The following SYDE2 variants were observed in gnomAD, a reference collection of about 807,000 sequenced individuals.
SYDE2 encodes rho GTPase-activating protein SYDE2.
A neutral mutation model predicts 91.5 loss-of-function variants in SYDE2; 76 were observed. The observed-to-expected ratio is 0.83, with a 90% CI of 0.69 to 1.01. SYDE2 has a LOEUF of 1.01. SYDE2 is among the 50% of genes least tolerant of loss of function. SYDE2 has a pLI of 0.00. For synonymous variants in SYDE2, 513 were observed against 506.4 expected, an observed-to-expected ratio of 1.01 and a Z score of -0.18; for missense variants, 1,364 against 1,367.7, an observed-to-expected ratio of 1.00 and a Z score of 0.04.
intron 3 of SYDE2, among the ~76,000 whole-genome samples, chr1:85,178,558 G>T (rs1657797371): frequency 6.6e-6 from 1 of 151,992 alleles, no homozygotes; most frequent in African/African-American, 2.4e-5. Context: ...GCTCAATAAA[G>T]ATCTCCATGC....
At chr1:85,197,333 T>C (rs945601971) in intron 1 of SYDE2, among the ~76,000 whole-genome samples, 3 of 152,232 alleles carry the variant, frequency 2.0e-5, no homozygotes, top group Admixed American at 6.5e-5. Flanking sequence ...ATTTGTCATA[T>C]AGTCTCAAAA....
At chr1:85,184,880 T>TA (rs77543627) in intron 2 of SYDE2, among the ~76,000 whole-genome samples, 14,025 of 135,438 alleles carry the variant, frequency 0.1, 2,178 homozygotes, top group African/African-American at 0.34. Flanking sequence ...TACCCCGTCT[T>TA]AAAAAAAAAA....
chr1:85,164,156 C>A (rs76724353), intron 6 of SYDE2, among the ~76,000 whole-genome samples: 3,245 of 152,282 alleles, frequency 0.021, 46 homozygotes, highest in Non-Finnish European at 0.031. Flanking sequence ...ATTACATACA[C>A]AATTTTTAAA....
chr1:85,160,575 T>C, intron 6 of SYDE2: 1 of 985,058 alleles, frequency 1.0e-6, no homozygotes, highest in Non-Finnish European at 1.2e-6. Flanking sequence ...AAGTGCAGAA[T>C]GGATAACTGA....
chr1:85,186,830 G>A (rs1229214194), intron 2 of SYDE2, among the ~76,000 whole-genome samples: 2 of 152,160 alleles, frequency 1.3e-5, no homozygotes, highest in Non-Finnish European at 2.9e-5. Context: ...AGCTGAAACT[G>A]GATCCCTTCC....
At chr1:85,159,448 C>T (rs12045141) in intron 6 of SYDE2, among the ~76,000 whole-genome samples, 199 bp from the exon 7 acceptor site, 7,191 of 152,194 alleles carry the variant, frequency 0.047, 263 homozygotes, top group East Asian at 0.17. Flanking sequence ...AGCAGTATAA[C>T]GTTCCATGGT....
intron 2 of SYDE2, among the ~76,000 whole-genome samples, chr1:85,186,627 A>G (rs1231638974): frequency 6.6e-6 from 1 of 151,992 alleles, no homozygotes; most frequent in Non-Finnish European, 1.5e-5. Flanking sequence ...CTACAAGGCT[A>G]CAGTAACCAA....
intron 1 of SYDE2, among the ~76,000 whole-genome samples, chr1:85,197,701 C>A (rs1375000165): frequency 6.6e-6 from 1 of 152,090 alleles, no homozygotes; most frequent in Non-Finnish European, 1.5e-5. Context: ...GTCTCCCAGG[C>A]TAGAGTGCAG....
intron 6 of SYDE2, chr1:85,161,121 G>A (rs1054780627): frequency 1.0e-6 from 1 of 985,082 alleles, no homozygotes; most frequent in Non-Finnish European, 1.2e-6. Context: ...ACCTTCAGTA[G>A]AACAAAATTA....
At chr1:85,197,233 C>T (rs1658620385) in intron 1 of SYDE2, among the ~76,000 whole-genome samples, 1 of 152,150 alleles carries the variant, frequency 6.6e-6, no homozygotes, top group South Asian at 2.1e-4. Context: ...ACACTACATA[C>T]TTAACTGCAT....
intron 5 of SYDE2, among the ~76,000 whole-genome samples, chr1:85,165,184 A>C (rs1300805637): frequency 6.6e-6 from 1 of 152,168 alleles, no homozygotes; most frequent in African/African-American, 2.4e-5. Flanking sequence ...CAGTCAGCTG[A>C]GACTATACCC....
intron 5 of SYDE2, 94 bp downstream of exon 5, chr1:85,168,950 A>G: frequency 1.7e-6 from 2 of 1,178,566 alleles, no homozygotes; most frequent in Non-Finnish European, 2.5e-6. Flanking sequence ...TGAGTGCCAC[A>G]AATGTCAAAT....
At chr1:85,195,882 T>C (rs1399064565) in intron 1 of SYDE2, among the ~76,000 whole-genome samples, 1 of 152,164 alleles carries the variant, frequency 6.6e-6, no homozygotes, top group Non-Finnish European at 1.5e-5. Context: ...CAGCACCAAA[T>C]GGATTATCTC....
At chr1:85,170,408 T>C (rs1418825727) in intron 4 of SYDE2, among the ~76,000 whole-genome samples, 1 of 152,182 alleles carries the variant, frequency 6.6e-6, no homozygotes, top group Non-Finnish European at 1.5e-5. Context: ...TTTAAATATT[T>C]AATAGTAACA....
At chr1:85,197,817 G>T (rs1227779937) in intron 1 of SYDE2, among the ~76,000 whole-genome samples, 1 of 151,932 alleles carries the variant, frequency 6.6e-6, no homozygotes, top group Non-Finnish European at 1.5e-5. Flanking sequence ...ACCACGCCCG[G>T]CTAATTTTTT....
At chr1:85,179,374 T>G (rs1465631373) in intron 3 of SYDE2, among the ~76,000 whole-genome samples, 1 of 152,142 alleles carries the variant, frequency 6.6e-6, no homozygotes, top group Admixed American at 6.5e-5. Flanking sequence ...AAAAAACTGA[T>G]AGAATACACT....
intron 4 of SYDE2, among the ~76,000 whole-genome samples, chr1:85,170,807 C>T (rs1657476718): frequency 1.3e-5 from 2 of 152,188 alleles, no homozygotes; most frequent in African/African-American, 4.8e-5. Context: ...GTCCCATAGT[C>T]TTATCTATTC....
chr1:85,191,525 C>T (rs201886408), intron 1 of SYDE2, among the ~76,000 whole-genome samples: 1 of 151,994 alleles, frequency 6.6e-6, no homozygotes, highest in East Asian at 1.9e-4. Context: ...TTTGGGAGGC[C>T]GAGGCAGGAG....
rs755971966 is a variant in SYDE2 at position 85,182,478 on chromosome 1, G to T, written c.2164C>A (p.Arg722=). Residue 722 remains arginine (R), a synonymous_variant, in exon 3 of 7, where the codon CGA becomes AGA. Coordinates refer to ENST00000341460, the MANE Select transcript of SYDE2 (RefSeq NM_032184.2). ...TGATCCATGTCTAAAAATGTTGTTC[G>T]GCATGTGAGCAAAGCTGTTCTTGCT... is the stretch of plus-strand genomic sequence containing the variant. ...NKARTALLTC[R]TTFLDMDHTF... 4 of 1,613,560 alleles carry T rather than the reference G, an allele frequency of 2.5e-6. No homozygotes were observed. In the South Asian group the frequency reaches 4.4e-5, roughly 18 times the overall value.
Sources: allele counts gnomAD v4.1 joint callset (sites outside exome capture counted in the v4.1 genomes callset), GRCh38; gene constraint gnomAD v4.1.1; transcripts MANE v1.5; gene names NCBI Gene and HGNC (gene_info 2026-07-23, HGNC 2026-07-21).